Variants in FAM83B observed in about 807,000 individuals in gnomAD.
FAM83B encodes the protein scaffolding CK1 anchoring protein B, also known as protein FAM83B.
A neutral mutation model predicts 38.8 loss-of-function variants in FAM83B; 26 were observed. The observed-to-expected ratio is 0.67, with a 90% CI of 0.49 to 0.93. The LOEUF is 0.93. Ranked by LOEUF, FAM83B falls within the 40% of genes least tolerant of loss-of-function variation. The pLI, the probability that FAM83B is intolerant of heterozygous loss-of-function variation, is 0.00. For missense variants in FAM83B, 1,237 were observed against 1,197.3 expected (o/e 1.03, Z -0.49); for synonymous variants, 419 against 423.1 (o/e 0.99, Z 0.12).
intron 1 of FAM83B, among the ~76,000 whole-genome samples, chr6:54,863,709 A>C (rs1771638587): frequency 1.3e-5 from 2 of 152,188 alleles, no homozygotes; most frequent in South Asian, 4.1e-4. Context: ...TTTTGATATA[A>C]ATTAAAACCT....
chr6:54,882,784 T>C (rs1772162428), intron 2 of FAM83B, among the ~76,000 whole-genome samples: 1 of 152,168 alleles, frequency 6.6e-6, no homozygotes, highest in Admixed American at 6.5e-5. Context: ...CTTTTGTTCA[T>C]GATTATTTAC....
Position 54,920,004 on chromosome 6 carries a change from T to C in FAM83B, c.445-6367T>C, listed in dbSNP as rs573543401. Among the ~76,000 whole-genome samples the C allele has an allele frequency of 6.6e-4, 100 of 152,102 alleles. 2 individuals are homozygous for C. In the South Asian group the frequency reaches 0.019, roughly 29 times the overall value. On this transcript the variant is annotated intron_variant, in intron 2 of 4. Coordinates refer to ENST00000306858, the MANE Select transcript of FAM83B (RefSeq NM_001010872.3). ...TAGATATAGCAGTTAAGATAGATTC[T>C]TAAATATCTGAGAAATTATTAATAC...
intron 1 of FAM83B, among the ~76,000 whole-genome samples, chr6:54,852,576 C>G (rs1464468681): frequency 6.6e-6 from 1 of 152,112 alleles, no homozygotes; most frequent in Non-Finnish European, 1.5e-5. Flanking sequence ...TTTAAATGTT[C>G]AAGGGAATGG....
chr6:54,890,603 C>A (rs1332589906), intron 2 of FAM83B, among the ~76,000 whole-genome samples: 1 of 151,984 alleles, frequency 6.6e-6, no homozygotes, highest in African/African-American at 2.4e-5. Flanking sequence ...ATCAGTTACA[C>A]ATGTGAAATA....
chr6:54,936,391 C>T (rs957338352), intron 4 of FAM83B, among the ~76,000 whole-genome samples: 1 of 151,918 alleles, frequency 6.6e-6, no homozygotes, highest in Non-Finnish European at 1.5e-5. Context: ...ACTACTGGCT[C>T]AACATTTTCA....
At chr6:54,917,839 C>T (rs1208578487) in intron 2 of FAM83B, among the ~76,000 whole-genome samples, 1 of 152,078 alleles carries the variant, frequency 6.6e-6, no homozygotes, top group East Asian at 1.9e-4. Flanking sequence ...TCTGTTTTAG[C>T]AAGTTGCCTT....
Position 54,940,426 on chromosome 6 carries a change from A to C in FAM83B, c.1455A>C (p.Glu485Asp). 1 of 1,614,086 alleles carries C rather than the reference A, an allele frequency of 6.2e-7. No individual in the cohort carries two copies. Among genetic ancestry groups the C allele is most frequent in the Non-Finnish European group, 8.5e-7 (1 of 1,180,012 alleles). Residue 485 changes from glutamate (E) to aspartate (D), a missense_variant, in exon 5 of 5, where the codon GAA becomes GAC. Coordinates refer to ENST00000306858, the MANE Select transcript of FAM83B (RefSeq NM_001010872.3). ...TGCAACAACGAATGCCAACCCTTGA[A>C]CATACCACAAAGTCATTCCTACGTA... is the stretch of plus-strand genomic sequence containing the variant. ...RFLQQRMPTL[E>D]HTTKSFLRNW...
chr6:54,903,031 A>G (rs1772698048), intron 2 of FAM83B, among the ~76,000 whole-genome samples: 1 of 152,232 alleles, frequency 6.6e-6, no homozygotes, highest in South Asian at 2.1e-4. Flanking sequence ...GAAGATATGT[A>G]GAAAATAATA....
rs757262104 is a variant in FAM83B at position 54,942,690 on chromosome 6, A to G, written c.*683A>G. On this transcript the variant is annotated 3_prime_UTR_variant, in exon 5 of 5. Transcript: ENST00000306858. ...ATGTGCTTCTTTCTACACTGGACCC[A>G]GGGAGCTGTCCCCCTCTTACCCATA... is the stretch of plus-strand genomic sequence containing the variant. 1.3e-5 allele frequency among the ~76,000 whole-genome samples: 2 copies of G among 151,864 alleles called. No homozygotes were observed. The highest frequency in any genetic ancestry group is 2.4e-5 in the African/African-American group (1 of 41,230).
chr6:54,916,974 T>C (rs747726451), intron 2 of FAM83B, among the ~76,000 whole-genome samples: 1 of 152,210 alleles, frequency 6.6e-6, no homozygotes, highest in Non-Finnish European at 1.5e-5. Context: ...GACAGTCTCA[T>C]TTCCCTTATT....
At chr6:54,868,837 G>A (rs1027032140) in intron 1 of FAM83B, among the ~76,000 whole-genome samples, 5 of 152,168 alleles carry the variant, frequency 3.3e-5, no homozygotes, top group Admixed American at 6.5e-5. Flanking sequence ...TGGGCTTTCT[G>A]TACTGTTAGA....
intron 2 of FAM83B, among the ~76,000 whole-genome samples, chr6:54,878,356 G>A (rs1246288513): frequency 6.6e-6 from 1 of 152,166 alleles, no homozygotes; most frequent in Non-Finnish European, 1.5e-5. Flanking sequence ...TACAAATGGG[G>A]TTAATCAACT....
Position 54,894,053 on chromosome 6 carries a change from A to C in FAM83B, c.444+23363A>C, listed in dbSNP as rs1171983702. 2.6e-5 allele frequency among the ~76,000 whole-genome samples: 4 copies of C among 152,212 alleles called. No homozygotes were observed. The East Asian group carries it at 7.7e-4, about 29-fold the overall frequency. The stretch of plus-strand genomic sequence containing the variant: ...ATCAACACTCTTCATTATTCCATGA[A>C]GTAAACTGTGTTCCTTTCCACTAGG... On this transcript the variant is annotated intron_variant, in intron 2 of 4. Transcript: ENST00000306858.
At chr6:54,902,342 C>T (rs1772677485) in intron 2 of FAM83B, among the ~76,000 whole-genome samples, 1 of 152,172 alleles carries the variant, frequency 6.6e-6, no homozygotes, top group African/African-American at 2.4e-5. Context: ...CCATGGGCTA[C>T]AGTGCCCAGC....
At chr6:54,903,416 C>T (rs77053763) in intron 2 of FAM83B, among the ~76,000 whole-genome samples, 2,498 of 152,242 alleles carry the variant, frequency 0.016, 66 homozygotes, top group African/African-American at 0.056. Flanking sequence ...TGCATTTCTA[C>T]TACCATTGAG....
intron 2 of FAM83B, among the ~76,000 whole-genome samples, chr6:54,898,017 T>A (rs977260923): frequency 6.6e-6 from 1 of 152,186 alleles, no homozygotes; most frequent in African/African-American, 2.4e-5. Context: ...TACTTTTTGG[T>A]TGTATATAAC....
chr6:54,927,495 C>T lies in FAM83B; in HGVS notation c.610-13C>T. On this transcript the variant is annotated splice_polypyrimidine_tract_variant and intron_variant, in intron 3 of 4. Coordinates refer to ENST00000306858, the MANE Select transcript of FAM83B (RefSeq NM_001010872.3). Reference sequence around the variant, plus strand: ...AGCCATAATGTCTGCTTTTTATTTACATATAATTCTAGAATATTCGAGTGC... The same window carrying T: ...AGCCATAATGTCTGCTTTTTATTTATATATAATTCTAGAATATTCGAGTGC... 1 of 1,560,340 alleles carries T rather than the reference C, an allele frequency of 6.4e-7. No homozygotes were observed. Among genetic ancestry groups the T allele is most frequent in the Non-Finnish European group, 8.7e-7 (1 of 1,149,304 alleles).
chr6:54,864,115 A>G (rs1040497447), intron 1 of FAM83B, among the ~76,000 whole-genome samples: 4 of 152,302 alleles, frequency 2.6e-5, no homozygotes, highest in African/African-American at 9.6e-5. Flanking sequence ...TCCAAATGAC[A>G]TTGAATAATT....
chr6:54,906,596 G>T (rs371622019), intron 2 of FAM83B, among the ~76,000 whole-genome samples: 1 of 152,060 alleles, frequency 6.6e-6, no homozygotes, highest in Admixed American at 6.6e-5. Flanking sequence ...AGTTGGCCAG[G>T]CTGGTCTTTC....
Sources: allele counts gnomAD v4.1 joint callset (sites outside exome capture counted in the v4.1 genomes callset), GRCh38; gene constraint gnomAD v4.1.1; transcripts MANE v1.5; gene names NCBI Gene and HGNC (gene_info 2026-07-23, HGNC 2026-07-21).